MPRIP: variants seen among roughly 807,000 people sequenced by gnomAD.
MPRIP encodes the protein myosin phosphatase Rho interacting protein.
A neutral mutation model predicts 234.9 loss-of-function variants in MPRIP; 59 were observed. The observed-to-expected ratio is 0.25, with a 90% CI of 0.20 to 0.31. The LOEUF (loss-of-function observed/expected upper bound fraction) is 0.31. MPRIP is among the 10% of genes least tolerant of loss of function. The probability of loss-of-function intolerance (pLI) is 1.00; values close to 1 mark genes in which losing one functional copy is unlikely to be tolerated. For missense variants in MPRIP, 2,436 were observed against 3,071.0 expected, an observed-to-expected ratio of 0.79 and a Z score of 4.89; for synonymous variants, 1,144 against 1,263.9, an observed-to-expected ratio of 0.91 and a Z score of 2.01.
At chr17:17,061,576 A>G (rs1464536403) in intron 1 of MPRIP, among the ~76,000 whole-genome samples, 2 of 152,056 alleles carry the variant, frequency 1.3e-5, no homozygotes, top group Admixed American at 6.5e-5. Flanking sequence ...CCCCACCCCC[A>G]CCTTTGGTCC....
chr17:17,164,489 G>A lies in MPRIP; in HGVS notation c.2898G>A (p.Leu966=), dbSNP rs1318219938. 1 of 1,214,028 alleles carries A rather than the reference G, an allele frequency of 8.2e-7. No homozygotes were observed. The highest frequency in any genetic ancestry group is 1.1e-6 in the Non-Finnish European group (1 of 951,802). 75.2% of individuals were successfully genotyped at this position (1,214,028 alleles called of 1,614,324 possible). The change falls in exon 16 of 24, where the codon CTG becomes CTA. Residue 966 remains leucine (L), a synonymous_variant. Coordinates refer to ENST00000651222, the MANE Select transcript of MPRIP (RefSeq NM_001364716.4). ...AGCTCAAGAGTGCTGAGGCCCTGCT[G>A]CTGGAGAAGACGCAGGAGCTACGGG... ...EQKLKSAEAL[L]LEKTQELRGL... is the part of the protein sequence containing the mutation.
At chr17:17,147,611 C>A (rs771545656) in intron 11 of MPRIP, among the ~76,000 whole-genome samples, 1 of 152,208 alleles carries the variant, frequency 6.6e-6, no homozygotes, top group Non-Finnish European at 1.5e-5. Context: ...TCCTTGTGAT[C>A]ATTTTCCTGG....
rs543729170 is a variant in MPRIP at position 17,089,044 on chromosome 17, T to C, written c.267+10968T>C. The stretch of plus-strand genomic sequence containing the variant: ...CACACACAGGCACGGACCAGTCACT[T>C]GCAAACACCTGCCCTCAGTGTGTCA... On this transcript the variant is annotated intron_variant, in intron 3 of 23. Coordinates refer to ENST00000651222, the MANE Select transcript of MPRIP (RefSeq NM_001364716.4). Among the ~76,000 whole-genome samples the C allele has an allele frequency of 1.7e-4, 26 of 152,332 alleles. No individual in the cohort carries two copies. The South Asian group carries it at 2.5e-3, about 15-fold the overall frequency.
intron 1 of MPRIP, among the ~76,000 whole-genome samples, chr17:17,059,593 C>G (rs1376242170): frequency 1.3e-5 from 2 of 152,264 alleles, no homozygotes; most frequent in African/African-American, 4.8e-5. Context: ...TTTGCCCCCT[C>G]CCAGGGAAGT....
chr17:17,146,819 T>C (rs116546061), intron 10 of MPRIP, among the ~76,000 whole-genome samples: 3,452 of 152,362 alleles, frequency 0.023, 102 homozygotes, highest in Middle Eastern at 0.085. Context: ...TGGCCTGGCA[T>C]GAAGACTCAA....
At chr17:17,045,507 A>G (rs2088318095) in intron 1 of MPRIP, among the ~76,000 whole-genome samples, 1 of 152,210 alleles carries the variant, frequency 6.6e-6, no homozygotes, top group African/African-American at 2.4e-5. Context: ...GGATGGAGCC[A>G]GGATTCTGAA....
In MPRIP at chr17:17,146,107, T is replaced by C; in HGVS notation, c.1560+15T>C. Reference sequence around the variant, plus strand: ...AGGACGGCCAGGTGAGTGTGCAGGGTTGCCGTGGCCCCTGAGGGATCTGGG... The same window carrying C: ...AGGACGGCCAGGTGAGTGTGCAGGGCTGCCGTGGCCCCTGAGGGATCTGGG... On this transcript the variant is annotated intron_variant, in intron 10 of 23. Coordinates refer to ENST00000651222, the MANE Select transcript of MPRIP (RefSeq NM_001364716.4). 1 of 1,613,250 alleles carries C rather than the reference T, an allele frequency of 6.2e-7. No individual in the cohort carries two copies. The highest frequency in any genetic ancestry group is 8.5e-7 in the Non-Finnish European group (1 of 1,179,512).
intron 6 of MPRIP, 95 bp from the exon 7 acceptor site, chr17:17,137,821 T>A: frequency 8.6e-7 from 1 of 1,169,586 alleles, no homozygotes; most frequent in Non-Finnish European, 1.2e-6. Flanking sequence ...AGAAGGCCCC[T>A]GCTTGGATCC....
At chr17:17,183,475 C>T (rs1209775978) in intron 23 of MPRIP, among the ~76,000 whole-genome samples, 2 of 152,244 alleles carry the variant, frequency 1.3e-5, no homozygotes, top group Non-Finnish European at 2.9e-5. Context: ...CTCGGCCTCC[C>T]AAAGTGCTGG....
chr17:17,162,541 T>C (rs2045896492), intron 15 of MPRIP, among the ~76,000 whole-genome samples: 1 of 152,180 alleles, frequency 6.6e-6, no homozygotes, highest in African/African-American at 2.4e-5. Context: ...GCCATAGTCA[T>C]TGCCATGCCC....
chr17:17,099,987 G>A (rs1359155168), intron 3 of MPRIP, among the ~76,000 whole-genome samples: 2 of 152,196 alleles, frequency 1.3e-5, no homozygotes, highest in Non-Finnish European at 2.9e-5. Flanking sequence ...GATGTCACTC[G>A]TGGCAGGCAA....
Position 17,042,823 on chromosome 17 carries a change from C to T in MPRIP, c.-26C>T, listed in dbSNP as rs1597699728. The T allele has an allele frequency of 1.4e-6, 2 of 1,417,232 alleles. No individual in the cohort carries two copies. The highest frequency in any genetic ancestry group is 3.6e-5 in the East Asian group (1 of 27,594). 87.8% of individuals were successfully genotyped at this position (1,417,232 alleles called of 1,614,324 possible). On this transcript the variant is annotated 5_prime_UTR_variant, in exon 1 of 24. Transcript: ENST00000651222. ...GCCGGCCAGGCCTGCGCCGCCGCCG[C>T]CGCCGCCGTCGCCGCCGCGCCGACC...
chr17:17,104,915 G>C (rs2090034483), intron 3 of MPRIP, among the ~76,000 whole-genome samples: 1 of 152,172 alleles, frequency 6.6e-6, no homozygotes, highest in Non-Finnish European at 1.5e-5. Context: ...AGGTTTCTCT[G>C]TTGGGATTCT....
chr17:17,104,843 C>T (rs2090032966), intron 3 of MPRIP, among the ~76,000 whole-genome samples: 1 of 152,160 alleles, frequency 6.6e-6, no homozygotes, highest in African/African-American at 2.4e-5. Context: ...CAGCTTTGTC[C>T]TTAAGACCCC....
intron 19 of MPRIP, 47 bp downstream of exon 19, chr17:17,174,122 G>A (rs1465374461): frequency 6.2e-7 from 1 of 1,600,664 alleles, no homozygotes; most frequent in South Asian, 1.1e-5. Context: ...GGGCACTCAA[G>A]GTCAGGTAGA....
intron 3 of MPRIP, among the ~76,000 whole-genome samples, chr17:17,109,781 T>A (rs1426436088): frequency 6.6e-6 from 1 of 151,966 alleles, no homozygotes; most frequent in Admixed American, 6.6e-5. Flanking sequence ...AAATATACCC[T>A]AAAGGTACAT....
intron 3 of MPRIP, among the ~76,000 whole-genome samples, chr17:17,098,689 C>T (rs1031376431): frequency 2.0e-5 from 3 of 152,144 alleles, no homozygotes; most frequent in Non-Finnish European, 2.9e-5. Context: ...TGTGGGTCCC[C>T]GGTGGGAAAG....
At chr17:17,172,883 G>T (rs989460324) in intron 18 of MPRIP, 68 bp downstream of exon 18, 21 of 1,406,376 alleles carry the variant, frequency 1.5e-5, no homozygotes, top group African/African-American at 1.1e-4. Context: ...GGCCACAGCT[G>T]GGCCCTTCCT....
chr17:17,171,728 A>T lies in MPRIP; in HGVS notation c.6335A>T (p.Glu2112Val). 1 of 1,612,844 alleles carries T rather than the reference A, an allele frequency of 6.2e-7. No homozygotes were observed. Among genetic ancestry groups the T allele is most frequent in the Non-Finnish European group, 8.5e-7 (1 of 1,179,986 alleles). The change falls in exon 17 of 24, where the codon GAG becomes GTG. Residue 2112 changes from glutamate (E) to valine (V), a missense_variant. Glu to Val is a moderately radical substitution (Grantham distance 121, BLOSUM62 -2). Coordinates refer to ENST00000651222, the MANE Select transcript of MPRIP (RefSeq NM_001364716.4). ...RDLESLKATC[E>V]RGFAAMEETH... The stretch of plus-strand genomic sequence containing the variant: ...TTTTGCATTTTGCAGGCCACGTGCG[A>T]GCGAGGGTTTGCAGCAATGGAAGAA...
Sources: allele counts gnomAD v4.1 joint callset (sites outside exome capture counted in the v4.1 genomes callset), GRCh38; gene constraint gnomAD v4.1.1; transcripts MANE v1.5; gene names NCBI Gene and HGNC (gene_info 2026-07-23, HGNC 2026-07-21).